Variants in TNKS observed in about 807,000 individuals in gnomAD.
TNKS encodes tankyrase.
In TNKS, 72 loss-of-function variants were observed where a neutral mutation model predicts 135.8. That is an observed-to-expected ratio of 0.53 (90% CI 0.44 to 0.64). TNKS has a LOEUF of 0.64. Ranked by LOEUF, TNKS falls within the 30% of genes least tolerant of loss-of-function variation. The pLI is 0.00. For synonymous variants in TNKS, 849 were observed against 649.3 expected (o/e 1.31, Z -4.68); for missense variants, 1,769 against 1,674.0 (o/e 1.06, Z -0.99).
At chr8:9,584,282 A>T (rs1798286288) in intron 2 of TNKS, among the ~76,000 whole-genome samples, 1 of 151,650 alleles carries the variant, frequency 6.6e-6, no homozygotes, top group African/African-American at 2.4e-5. Flanking sequence ...AACTGTGGGC[A>T]CTCCTTGCTG....
intron 2 of TNKS, among the ~76,000 whole-genome samples, chr8:9,613,909 C>G (rs553990640): frequency 1.3e-5 from 2 of 152,318 alleles, no homozygotes; most frequent in African/African-American, 4.8e-5. Context: ...ATTTAACTGT[C>G]AAACTCAGAT....
chr8:9,644,883 C>G (rs1327839143), intron 3 of TNKS, among the ~76,000 whole-genome samples: 1 of 152,066 alleles, frequency 6.6e-6, no homozygotes, highest in Non-Finnish European at 1.5e-5. Context: ...CAATAAATTA[C>G]AGAAGATCTT....
At chr8:9,675,798 G>A (rs1223456744) in intron 3 of TNKS, among the ~76,000 whole-genome samples, 3 of 152,074 alleles carry the variant, frequency 2.0e-5, no homozygotes, top group African/African-American at 7.2e-5. Context: ...ACAGATAATG[G>A]ATAATACTTA....
At chr8:9,637,367 A>C (rs1800552170) in intron 3 of TNKS, among the ~76,000 whole-genome samples, 1 of 152,082 alleles carries the variant, frequency 6.6e-6, no homozygotes, top group Admixed American at 6.6e-5. Flanking sequence ...CTTTGTGGGG[A>C]AACATTGCTC....
intron 3 of TNKS, among the ~76,000 whole-genome samples, chr8:9,644,573 C>G (rs1800843613): frequency 6.6e-6 from 1 of 152,154 alleles, no homozygotes; most frequent in Non-Finnish European, 1.5e-5. Context: ...AGGCTTGTCT[C>G]CCATGTTGTT....
At chr8:9,672,188 A>G (rs1272190430) in intron 3 of TNKS, among the ~76,000 whole-genome samples, 1 of 152,188 alleles carries the variant, frequency 6.6e-6, no homozygotes, top group East Asian at 1.9e-4. Context: ...ATCTCTTACT[A>G]TGCCTAGTTT....
intron 1 of TNKS, among the ~76,000 whole-genome samples, chr8:9,565,495 A>T (rs1797489874): frequency 1.3e-5 from 2 of 152,328 alleles, no homozygotes; most frequent in Admixed American, 1.3e-4. Context: ...CAAACTGAAC[A>T]AAATTTGTTT....
intron 2 of TNKS, among the ~76,000 whole-genome samples, chr8:9,609,442 C>T (rs1799364211): frequency 1.3e-5 from 2 of 152,156 alleles, no homozygotes; most frequent in Admixed American, 6.5e-5. Flanking sequence ...GAGGTATCAC[C>T]CTTGTTGTGT....
At position 9,756,015 on chromosome 8, in the gene TNKS, C is replaced by G. The variant is rs561897524; in HGVS notation, c.3153+3389C>G. 4.4e-4 allele frequency among the ~76,000 whole-genome samples: 67 copies of G among 152,228 alleles called. 1 individual carries two copies. The South Asian group carries it at 0.014, about 31-fold the overall frequency. On this transcript the variant is annotated intron_variant, in intron 20 of 26. Coordinates refer to ENST00000310430, the MANE Select transcript of TNKS (RefSeq NM_003747.3). ...TGTGACTTTGGCCCTTCCTTTATAACATAGCTTTGTACCTATGAACATAGG... is the reference window on the plus strand; with the variant it reads ...TGTGACTTTGGCCCTTCCTTTATAAGATAGCTTTGTACCTATGAACATAGG...
chr8:9,707,012 C>G lies in TNKS; in HGVS notation c.1456+15C>G. 3.9e-6 allele frequency: 6 copies of G among 1,541,186 alleles called. No individual in the cohort carries two copies. Among genetic ancestry groups the G allele is most frequent in the Non-Finnish European group, 5.2e-6 (6 of 1,143,802 alleles). On this transcript the variant is annotated intron_variant, in intron 8 of 26. Transcript: ENST00000310430. ...GAGATTGACTTGTACGTATTTATAT[C>G]CCGAAATCATTATCGCATAAATTGG...
intron 2 of TNKS, among the ~76,000 whole-genome samples, chr8:9,595,163 C>G (rs1217805782): frequency 6.6e-6 from 1 of 150,952 alleles, no homozygotes; most frequent in Non-Finnish European, 1.5e-5. Flanking sequence ...GCTGTGTTGT[C>G]CAGGCTGGAG....
chr8:9,595,549 C>G (rs1194626687), intron 2 of TNKS, among the ~76,000 whole-genome samples: 4 of 150,018 alleles, frequency 2.7e-5, no homozygotes, highest in East Asian at 2.0e-4. Flanking sequence ...TAGATATACA[C>G]ATAACATATA....
At chr8:9,651,771 C>T (rs1295224363) in intron 3 of TNKS, among the ~76,000 whole-genome samples, 2 of 152,172 alleles carry the variant, frequency 1.3e-5, no homozygotes, top group Non-Finnish European at 2.9e-5. Context: ...GGGCTTGTTC[C>T]ATATCCTGTT....
chr8:9,646,449 A>C (rs376817818), intron 3 of TNKS, among the ~76,000 whole-genome samples: 2 of 152,092 alleles, frequency 1.3e-5, no homozygotes, highest in African/African-American at 4.8e-5. Flanking sequence ...ATCTGATTTC[A>C]TTCTCATTTT....
At chr8:9,578,777 G>A (rs1798052997) in intron 1 of TNKS, among the ~76,000 whole-genome samples, 2 of 152,128 alleles carry the variant, frequency 1.3e-5, no homozygotes, top group Admixed American at 6.5e-5. Flanking sequence ...AATAATAGTA[G>A]AGGTAGTGAT....
chr8:9,594,117 C>T (rs992864711), intron 2 of TNKS, among the ~76,000 whole-genome samples: 2 of 152,078 alleles, frequency 1.3e-5, no homozygotes, highest in Non-Finnish European at 2.9e-5. Context: ...AGACTCCTGA[C>T]CTCAGGCGGT....
At chr8:9,564,533 A>G (rs542888603) in intron 1 of TNKS, among the ~76,000 whole-genome samples, 40 of 152,396 alleles carry the variant, frequency 2.6e-4, no homozygotes, top group African/African-American at 8.4e-4. Context: ...ATAGTAGTTT[A>G]GTCTTTAATA....
At chr8:9,766,750 C>G (rs912842206) in intron 25 of TNKS, among the ~76,000 whole-genome samples, 1 of 152,110 alleles carries the variant, frequency 6.6e-6, no homozygotes, top group African/African-American at 2.4e-5. Context: ...TCCCAAAATG[C>G]TGGGATTACA....
intron 3 of TNKS, among the ~76,000 whole-genome samples, chr8:9,635,745 G>C (rs1800485618): frequency 6.6e-6 from 1 of 152,168 alleles, no homozygotes; most frequent in South Asian, 2.1e-4. Flanking sequence ...TAAATCTCAT[G>C]AGAAAACATT....
Sources: gnomAD v4.1 joint callset for allele counts (sites outside exome capture counted in the v4.1 genomes callset) on GRCh38, gnomAD v4.1.1 for gene constraint, MANE v1.5 for transcripts, NCBI Gene and HGNC (gene_info 2026-07-23, HGNC 2026-07-21) for gene names.